The following PAK5 variants were observed in gnomAD, a reference collection of about 807,000 sequenced individuals.
PAK5 encodes serine/threonine-protein kinase PAK 5.
In PAK5, 16 loss-of-function variants were observed where a neutral mutation model predicts 65.9. That is an observed-to-expected ratio of 0.24 (90% CI 0.16 to 0.37). The LOEUF (loss-of-function observed/expected upper bound fraction) is 0.37, where lower values mean the gene tolerates loss of function less well. PAK5 is among the 10% of genes least tolerant of loss of function. PAK5 has a pLI of 1.00. For missense variants in PAK5, 785 were observed against 903.9 expected (o/e 0.87, Z 1.69); for synonymous variants, 371 against 354.9 (o/e 1.05, Z -0.51).
chr20:9,835,671 G>A (rs1019830833), intron 1 of PAK5, among the ~76,000 whole-genome samples: 49 of 152,216 alleles, frequency 3.2e-4, no homozygotes, highest in African/African-American at 1.2e-3. Context: ...TGATAGTGGT[G>A]GTGGTGGGGA....
chr20:9,789,425 A>G (rs1423445363), intron 1 of PAK5, among the ~76,000 whole-genome samples: 1 of 152,186 alleles, frequency 6.6e-6, no homozygotes, highest in Non-Finnish European at 1.5e-5. Flanking sequence ...CAGCATTTAT[A>G]CTTTAACTTT....
intron 1 of PAK5, among the ~76,000 whole-genome samples, chr20:9,779,555 T>C (rs1247684502): frequency 6.6e-6 from 1 of 151,826 alleles, no homozygotes; most frequent in Non-Finnish European, 1.5e-5. Flanking sequence ...TTTTGGTTGA[T>C]ACTACATTAA....
At chr20:9,642,969 G>T (rs1418273600) in intron 3 of PAK5, among the ~76,000 whole-genome samples, 1 of 152,182 alleles carries the variant, frequency 6.6e-6, no homozygotes, top group South Asian at 2.1e-4. Context: ...CCAGCACTGT[G>T]CATGAACAAT....
intron 3 of PAK5, among the ~76,000 whole-genome samples, chr20:9,586,056 C>G (rs1290579944): frequency 6.6e-6 from 1 of 152,110 alleles, no homozygotes; most frequent in Admixed American, 6.6e-5. Flanking sequence ...CCTTCAGATG[C>G]TACCATCTTT....
In PAK5 at chr20:9,759,091, T is replaced by C. The variant is rs150906107; in HGVS notation, c.-161-47656A>G. ...TCTTACTGAGAAAGCAAGCAAGCAT[T>C]CAATATGAGAACACAATCAAATAAG... On this transcript the variant is annotated intron_variant, in intron 1 of 9. Coordinates refer to ENST00000353224, the MANE Select transcript of PAK5 (RefSeq NM_177990.4). Among the ~76,000 whole-genome samples the C allele has an allele frequency of 1.1e-4, 17 of 152,190 alleles. No individual in the cohort carries two copies. The East Asian group carries it at 3.3e-3, about 29-fold the overall frequency.
intron 7 of PAK5, among the ~76,000 whole-genome samples, chr20:9,547,570 G>C (rs2045363769): frequency 6.6e-6 from 1 of 152,194 alleles, no homozygotes; most frequent in African/African-American, 2.4e-5. Context: ...CAGGATTCGG[G>C]AATTTAACCA....
intron 1 of PAK5, among the ~76,000 whole-genome samples, chr20:9,773,050 AT>A (rs1193591389): frequency 6.6e-6 from 1 of 152,196 alleles, no homozygotes; most frequent in Admixed American, 6.5e-5. Context: ...ACTCTTCAAA[AT>A]CAAACCAGGG....
chr20:9,601,738 A>T (rs1037300693), intron 3 of PAK5, among the ~76,000 whole-genome samples: 2 of 152,114 alleles, frequency 1.3e-5, no homozygotes, highest in South Asian at 4.1e-4. Flanking sequence ...GCTATTATAT[A>T]TATCGACTGG....
chr20:9,748,068 A>C (rs1379859855), intron 1 of PAK5, among the ~76,000 whole-genome samples: 2 of 152,178 alleles, frequency 1.3e-5, no homozygotes, highest in African/African-American at 4.8e-5. Context: ...CCAAATCATG[A>C]GTGAACTCCC....
chr20:9,739,983 A>C (rs919646021), intron 1 of PAK5, among the ~76,000 whole-genome samples: 9 of 152,168 alleles, frequency 5.9e-5, no homozygotes, highest in Non-Finnish European at 2.9e-5. Context: ...TCAGTATCTC[A>C]TGCCAACCAG....
At chr20:9,720,866 A>G (rs760121714) in intron 1 of PAK5, among the ~76,000 whole-genome samples, 9 of 152,194 alleles carry the variant, frequency 5.9e-5, no homozygotes, top group Non-Finnish European at 1.3e-4. Context: ...CAAATATTTT[A>G]TAAGTGTACT....
intron 5 of PAK5, 129 bp from the exon 6 acceptor site, chr20:9,563,153 T>G (rs1346327564): frequency 1.2e-6 from 1 of 832,394 alleles, no homozygotes; most frequent in East Asian, 2.5e-5. Flanking sequence ...ATTCAGAAAA[T>G]CTATTACAGA....
chr20:9,732,853 C>T (rs6039563), intron 1 of PAK5, among the ~76,000 whole-genome samples: 74,893 of 152,010 alleles, frequency 0.49, 18,539 homozygotes, highest in South Asian at 0.63. Context: ...TTGTAATTCT[C>T]CCTTATTTGA....
intron 1 of PAK5, among the ~76,000 whole-genome samples, chr20:9,805,566 T>C (rs1302022458): frequency 2.0e-5 from 3 of 152,110 alleles, no homozygotes; most frequent in African/African-American, 4.8e-5. Flanking sequence ...TACTGATACA[T>C]GCTGCAAATG....
chr20:9,831,898 T>A (rs951468884), intron 1 of PAK5, among the ~76,000 whole-genome samples: 1 of 152,208 alleles, frequency 6.6e-6, no homozygotes. Flanking sequence ...TTTAATTTTG[T>A]TCTGTTTTTT....
chr20:9,719,464 C>T (rs2048188857), intron 1 of PAK5, among the ~76,000 whole-genome samples: 1 of 152,038 alleles, frequency 6.6e-6, no homozygotes, highest in Non-Finnish European at 1.5e-5. Flanking sequence ...TGAGACATTT[C>T]CTTTGAGACA....
chr20:9,539,441 C>G lies in PAK5; in HGVS notation c.*21G>C, dbSNP rs746796639. 16 of 1,609,680 alleles carry G rather than the reference C, an allele frequency of 9.9e-6. No individual in the cohort carries two copies. The highest frequency in any genetic ancestry group is 1.4e-5 in the Non-Finnish European group (16 of 1,176,602). ...ATTCTCATGTCCTCATCTAGCTTTGCCACCTACACGAATCCTCTGCTCAGT... is the reference window on the plus strand; with the variant it reads ...ATTCTCATGTCCTCATCTAGCTTTGGCACCTACACGAATCCTCTGCTCAGT... On this transcript the variant is annotated 3_prime_UTR_variant, in exon 10 of 10. Transcript: ENST00000353224.
At chr20:9,784,035 T>G (rs992329857) in intron 1 of PAK5, among the ~76,000 whole-genome samples, 2 of 152,124 alleles carry the variant, frequency 1.3e-5, no homozygotes, top group Non-Finnish European at 2.9e-5. Context: ...TCTCATGAAA[T>G]GTTAAAAAAA....
chr20:9,628,433 AG>A (rs780561145), intron 3 of PAK5, among the ~76,000 whole-genome samples: 1 of 152,266 alleles, frequency 6.6e-6, no homozygotes, highest in Non-Finnish European at 1.5e-5. Context: ...TATGAATATA[AG>A]ACTATACTCT....
Sources: allele counts gnomAD v4.1 joint callset (sites outside exome capture counted in the v4.1 genomes callset), GRCh38; gene constraint gnomAD v4.1.1; transcripts MANE v1.5; gene names NCBI Gene and HGNC (gene_info 2026-07-23, HGNC 2026-07-21).